Variants in SNX29 observed in about 807,000 individuals in gnomAD.
SNX29 encodes the protein sorting nexin 29.
A neutral mutation model predicts 102.1 loss-of-function variants in SNX29; 78 were observed. The ratio of observed to expected loss-of-function variants is 0.76; its 90% CI spans 0.64 to 0.92. SNX29 has a LOEUF of 0.92. Ranked by LOEUF, SNX29 falls within the 40% of genes least tolerant of loss-of-function variation. SNX29 has a pLI of 0.00. For missense variants in SNX29, 1,280 were observed against 1,061.7 expected (o/e 1.21, Z -2.86); for synonymous variants, 580 against 414.5 (o/e 1.40, Z -4.85).
intron 15 of SNX29, among the ~76,000 whole-genome samples, chr16:12,352,871 A>T (rs1356931967): frequency 6.6e-6 from 1 of 152,140 alleles, no homozygotes; most frequent in Non-Finnish European, 1.5e-5. Context: ...CTACCTGCAG[A>T]TGGATTAATT....
intron 13 of SNX29, among the ~76,000 whole-genome samples, chr16:12,181,123 G>A (rs1010924724): frequency 1.3e-5 from 2 of 152,176 alleles, no homozygotes; most frequent in Admixed American, 6.5e-5. Context: ...TAGGGGAGAG[G>A]AAGAATCTCC....
chr16:12,416,633 G>A (rs1362837537), intron 18 of SNX29, among the ~76,000 whole-genome samples: 2 of 152,224 alleles, frequency 1.3e-5, no homozygotes, highest in African/African-American at 4.8e-5. Flanking sequence ...TGTACAAGAA[G>A]CATGGTGTCA....
chr16:12,335,106 A>G (rs902645907), intron 15 of SNX29, among the ~76,000 whole-genome samples: 13 of 151,846 alleles, frequency 8.6e-5, no homozygotes, highest in Admixed American at 3.9e-4. Flanking sequence ...GGGGAGCAGG[A>G]CACTTAGCAG....
intron 19 of SNX29, among the ~76,000 whole-genome samples, chr16:12,522,640 C>T (rs1000893277): frequency 6.6e-6 from 1 of 152,176 alleles, no homozygotes; most frequent in Non-Finnish European, 1.5e-5. Flanking sequence ...GCTTCACTGT[C>T]TTCCTCCTGC....
chr16:12,014,140 G>C (rs897643722), intron 3 of SNX29, among the ~76,000 whole-genome samples: 1 of 151,938 alleles, frequency 6.6e-6, no homozygotes, highest in African/African-American at 2.4e-5. Flanking sequence ...TGAATTTTTT[G>C]TTCTCTCAGG....
intron 20 of SNX29, among the ~76,000 whole-genome samples, chr16:12,538,943 G>C (rs1445308645): frequency 6.6e-6 from 1 of 152,202 alleles, no homozygotes; most frequent in Non-Finnish European, 1.5e-5. Context: ...GCATGTAGCA[G>C]TGCTGTGAAA....
chr16:12,567,716 T>TA (rs1359691870), intron 20 of SNX29, among the ~76,000 whole-genome samples: 3 of 152,136 alleles, frequency 2.0e-5, no homozygotes, highest in Non-Finnish European at 4.4e-5. Flanking sequence ...AAGTTATCAT[T>TA]ACACGATTGC....
chr16:12,110,230 C>A (rs140176678), intron 11 of SNX29, among the ~76,000 whole-genome samples: 57 of 152,204 alleles, frequency 3.7e-4, no homozygotes, highest in African/African-American at 1.3e-3. Flanking sequence ...AGATACTTTC[C>A]CCTGAAGCTC....
At chr16:12,253,078 AGGCATGTTCAAGG>A (rs2078468927) in intron 14 of SNX29, among the ~76,000 whole-genome samples, 1 of 152,154 alleles carries the variant, frequency 6.6e-6, no homozygotes, top group East Asian at 1.9e-4. Flanking sequence ...GCGGTTCTAG[AGGCATGTTCAAGG>A]GTTCATTCAC....
intron 20 of SNX29, among the ~76,000 whole-genome samples, chr16:12,549,696 T>C (rs1427035443): frequency 6.6e-6 from 1 of 152,324 alleles, no homozygotes; most frequent in African/African-American, 2.4e-5. Context: ...ATGTCGCAGA[T>C]GCTGCTTGGG....
chr16:12,502,429 C>A (rs1483437372), intron 19 of SNX29, among the ~76,000 whole-genome samples: 2 of 152,060 alleles, frequency 1.3e-5, no homozygotes, highest in East Asian at 3.9e-4. Context: ...GCTTCACAGC[C>A]GCCGGTGGTG....
chr16:12,211,730 C>T (rs556867966), intron 14 of SNX29, among the ~76,000 whole-genome samples: 1 of 152,258 alleles, frequency 6.6e-6, no homozygotes, highest in South Asian at 2.1e-4. Flanking sequence ...CGTCTGGGGG[C>T]AGAATTCGTA....
rs555025218 is a variant in SNX29 at position 12,565,865 on chromosome 16, C to T, written c.2319-2641C>T. Among the ~76,000 whole-genome samples the T allele has an allele frequency of 1.2e-4, 19 of 152,320 alleles. No homozygotes were observed. In the East Asian group the frequency reaches 3.7e-3, roughly 29 times the overall value. The stretch of plus-strand genomic sequence containing the variant: ...GCCTCCTCCGGGAAGCCCTCTGTGC[C>T]CTGCTCAGAACAACCTGAGTTCCCT... On this transcript the variant is annotated intron_variant, in intron 20 of 20. Transcript: ENST00000566228.
At chr16:12,510,068 C>A (rs1054246489) in intron 19 of SNX29, among the ~76,000 whole-genome samples, 3 of 152,252 alleles carry the variant, frequency 2.0e-5, no homozygotes, top group African/African-American at 7.2e-5. Flanking sequence ...TGTGACAGTG[C>A]ATCCCTGCAC....
chr16:12,405,369 C>T (rs980049838), intron 18 of SNX29, among the ~76,000 whole-genome samples: 2 of 152,106 alleles, frequency 1.3e-5, no homozygotes, highest in African/African-American at 4.8e-5. Flanking sequence ...CCACAGTGGC[C>T]ACTGTGGCAG....
At position 12,023,585 on chromosome 16, in the gene SNX29, A is replaced by AAAAAG. The variant is rs767839983; in HGVS notation, c.123-3711_123-3707dup. Among the ~76,000 whole-genome samples the AAAAAG allele has an allele frequency of 4.3e-4, 65 of 149,698 alleles. 1 individual carries two copies. Among genetic ancestry groups the AAAAAG allele is most frequent in the East Asian group, 2.3e-3 (12 of 5,162 alleles). ...AGAGCAAGACCCTGTCTCAAAAAAA[A>AAAAAG]AAAAGAAAAGAAAAGAAAAGAAAAG... On this transcript the variant is annotated intron_variant, in intron 3 of 20. Transcript: ENST00000566228.
At chr16:12,336,388 C>T (rs1388750309) in intron 15 of SNX29, among the ~76,000 whole-genome samples, 1 of 152,212 alleles carries the variant, frequency 6.6e-6, no homozygotes, top group Non-Finnish European at 1.5e-5. Context: ...GAAACTGTGT[C>T]CCTGCTGCCC....
chr16:12,263,600 A>G (rs1022033095), intron 14 of SNX29, among the ~76,000 whole-genome samples: 1 of 152,252 alleles, frequency 6.6e-6, no homozygotes, highest in African/African-American at 2.4e-5. Flanking sequence ...AAAAATGGAC[A>G]TATATTTTCC....
chr16:12,514,899 A>C (rs1034623881), intron 19 of SNX29, among the ~76,000 whole-genome samples: 1 of 149,968 alleles, frequency 6.7e-6, no homozygotes, highest in Non-Finnish European at 1.5e-5. Flanking sequence ...AGAGAGAGAG[A>C]GGGAGAGAGA....
Sources: gnomAD v4.1 joint callset for allele counts (sites outside exome capture counted in the v4.1 genomes callset) on GRCh38, gnomAD v4.1.1 for gene constraint, MANE v1.5 for transcripts, NCBI Gene and HGNC (gene_info 2026-07-23, HGNC 2026-07-21) for gene names.